The following PRIM2 variants were observed in gnomAD, a reference collection of about 807,000 sequenced individuals.
PRIM2 encodes DNA primase subunit 2.
In PRIM2, 39 loss-of-function variants were observed where a neutral mutation model predicts 67.3. That is an observed-to-expected ratio of 0.58 (90% confidence interval 0.45 to 0.76). The LOEUF (loss-of-function observed/expected upper bound fraction) is 0.76, where lower values mean the gene tolerates loss of function less well. PRIM2 is among the 30% of genes least tolerant of loss of function. The pLI, the probability that PRIM2 is intolerant of heterozygous loss-of-function variation, is 0.00. For synonymous variants in PRIM2, 143 were observed against 198.7 expected (o/e 0.72, Z 2.36); for missense variants, 398 against 598.7 (o/e 0.66, Z 3.50).
chr6:57,326,858 T>A (rs945978884), intron 5 of PRIM2, among the ~76,000 whole-genome samples: 3 of 151,912 alleles, frequency 2.0e-5, no homozygotes, highest in Non-Finnish European at 4.4e-5. Flanking sequence ...TGGGACTCAT[T>A]TAATGGGGAT....
chr6:57,628,881 C>T (rs1308141095), intron 12 of PRIM2, among the ~76,000 whole-genome samples: 2 of 152,070 alleles, frequency 1.3e-5, no homozygotes, highest in African/African-American at 2.4e-5. Flanking sequence ...AAATTTGACC[C>T]TAAATTCTGT....
intron 12 of PRIM2, among the ~76,000 whole-genome samples, chr6:57,623,603 A>G (rs1313876649): frequency 2.0e-5 from 3 of 152,260 alleles, no homozygotes; most frequent in African/African-American, 7.2e-5. Flanking sequence ...TGTAAAGTCA[A>G]ACCTAACTGC....
Position 57,325,979 on chromosome 6 carries a change from A to G in PRIM2, c.393A>G (p.Arg131=). The G allele has an allele frequency of 6.2e-7, 1 of 1,612,508 alleles. No homozygotes were observed. The highest frequency in any genetic ancestry group is 8.5e-7 in the Non-Finnish European group (1 of 1,179,592). The change falls in exon 5 of 14, where the codon AGA becomes AGG. Residue 131 remains arginine, a synonymous_variant. Transcript: ENST00000615550. ...IQQEMDLLRF[R]FSILPKDKIQ... The stretch of plus-strand genomic sequence containing the variant: ...AAGAAATGGATCTCCTTCGATTTAG[A>G]TTTAGTATTTTACCCAAGGATAAAA...
intron 7 of PRIM2, among the ~76,000 whole-genome samples, chr6:57,451,983 C>T (rs1303574201): frequency 2.7e-5 from 4 of 147,422 alleles, no homozygotes; most frequent in African/African-American, 1.0e-4. Context: ...CTTCCTGTGT[C>T]CATGTGTTCT....
intron 7 of PRIM2, among the ~76,000 whole-genome samples, chr6:57,466,399 T>C (rs1773191952): frequency 6.6e-6 from 1 of 152,206 alleles, no homozygotes; most frequent in South Asian, 2.1e-4. Context: ...ATTGCCACAC[T>C]GTCTTCCACA....
At chr6:57,354,709 C>T (rs1157535353) in intron 5 of PRIM2, among the ~76,000 whole-genome samples, 1 of 152,196 alleles carries the variant, frequency 6.6e-6, no homozygotes, top group Non-Finnish European at 1.5e-5. Flanking sequence ...TAAGGAATAA[C>T]AAATACCAGT....
At chr6:57,588,714 G>A (rs1776237097) in intron 10 of PRIM2, among the ~76,000 whole-genome samples, 1 of 152,008 alleles carries the variant, frequency 6.6e-6, no homozygotes, top group Non-Finnish European at 1.5e-5. Flanking sequence ...ATTTTCCAAT[G>A]TTTTTGAAAT....
intron 10 of PRIM2, among the ~76,000 whole-genome samples, chr6:57,594,474 C>A (rs1354054412): frequency 1.3e-5 from 2 of 152,150 alleles, no homozygotes; most frequent in Non-Finnish European, 2.9e-5. Context: ...TCAGTGGGGT[C>A]CAGTTGGATC....
intron 7 of PRIM2, among the ~76,000 whole-genome samples, chr6:57,410,665 G>A (rs569866742): frequency 6.6e-6 from 1 of 151,832 alleles, no homozygotes; most frequent in Non-Finnish European, 1.5e-5. Flanking sequence ...CTACATAGAT[G>A]TCTATGTTGT....
chr6:57,223,722 C>T, the PRIM2 span, among the ~76,000 whole-genome samples: 9 of 152,116 alleles, frequency 5.9e-5, no homozygotes, highest in Non-Finnish European at 1.2e-4. Flanking sequence ...AAAAGAGACT[C>T]AAGGTCACTA....
At chr6:57,389,506 A>G (rs1484060649) in intron 7 of PRIM2, among the ~76,000 whole-genome samples, 5 of 152,194 alleles carry the variant, frequency 3.3e-5, no homozygotes, top group African/African-American at 4.8e-5. Context: ...ATTTATACAC[A>G]TCTTATTTAG....
chr6:57,297,990 A>G, the PRIM2 span, among the ~76,000 whole-genome samples: 1 of 152,234 alleles, frequency 6.6e-6, no homozygotes, highest in Non-Finnish European at 1.5e-5. Flanking sequence ...GGATAGCTGA[A>G]GGTCGATAGG....
At chr6:57,289,188 TG>T in the PRIM2 span, among the ~76,000 whole-genome samples, 2 of 151,910 alleles carry the variant, frequency 1.3e-5, no homozygotes, top group African/African-American at 4.8e-5. Flanking sequence ...TTTGACCAAG[TG>T]GAAGAAAGGA....
intron 8 of PRIM2, among the ~76,000 whole-genome samples, chr6:57,512,631 T>A (rs1774394643): frequency 6.6e-6 from 1 of 152,140 alleles, no homozygotes; most frequent in Non-Finnish European, 1.5e-5. Flanking sequence ...TCTCACTCTG[T>A]CTGTCGCCCA....
chr6:57,519,024 C>T (rs1774548872), intron 8 of PRIM2, among the ~76,000 whole-genome samples: 1 of 152,112 alleles, frequency 6.6e-6, no homozygotes, highest in Admixed American at 6.6e-5. Context: ...CATCACATGT[C>T]AGTAGGTTCC....
chr6:57,613,490 G>T (rs1776701520), intron 12 of PRIM2, among the ~76,000 whole-genome samples: 1 of 152,186 alleles, frequency 6.6e-6, no homozygotes, highest in Admixed American at 6.5e-5. Flanking sequence ...ATGACTGCAA[G>T]GTCTTTGGGT....
At chr6:57,392,514 A>G (rs909143291) in intron 7 of PRIM2, among the ~76,000 whole-genome samples, 4 of 152,110 alleles carry the variant, frequency 2.6e-5, no homozygotes, top group African/African-American at 4.8e-5. Context: ...ATTCTTTCCT[A>G]AATCCAAAGC....
At chr6:57,384,808 CT>C (rs1445845870) in intron 7 of PRIM2, among the ~76,000 whole-genome samples, 2 of 152,186 alleles carry the variant, frequency 1.3e-5, no homozygotes, top group Non-Finnish European at 2.9e-5. Context: ...AAGTTTTTCA[CT>C]TTGTAATTTC....
At chr6:57,345,970 G>T (rs11967034) in intron 5 of PRIM2, among the ~76,000 whole-genome samples, 1 of 152,122 alleles carries the variant, frequency 6.6e-6, no homozygotes, top group South Asian at 2.1e-4. Context: ...GTATCTTTTA[G>T]CATGCTAATG....
Sources: gnomAD v4.1 joint callset for allele counts (sites outside exome capture counted in the v4.1 genomes callset) on GRCh38, gnomAD v4.1.1 for gene constraint, MANE v1.5 for transcripts, NCBI Gene and HGNC (gene_info 2026-07-23, HGNC 2026-07-21) for gene names.